Variants in GYPB observed in about 807,000 individuals in gnomAD.
The protein encoded by GYPB is glycophorin B (MNS blood group), also known as glycophorin-B.
In GYPB, 13 loss-of-function variants were observed where a neutral mutation model predicts 15.3. That is an observed-to-expected ratio of 0.85 (90% CI 0.55 to 1.35). GYPB has a LOEUF of 1.35. Among genes scored for constraint, GYPB ranks in the 40% most tolerant of loss-of-function variants. GYPB has a pLI of 0.00. For synonymous variants in GYPB, 38 were observed against 36.9 expected, an observed-to-expected ratio of 1.03 and a Z score of -0.11; for missense variants, 131 against 108.3, an observed-to-expected ratio of 1.21 and a Z score of -0.93.
At chr4:144,015,640 A>G (rs1411959139) in intron 1 of GYPB, among the ~76,000 whole-genome samples, 1 of 151,362 alleles carries the variant, frequency 6.6e-6, no homozygotes, top group East Asian at 1.9e-4. Flanking sequence ...AATCACTACG[A>G]AGTAAGTTTG....
chr4:143,996,663 T>C (rs928912846), intron 4 of GYPB, among the ~76,000 whole-genome samples: 2 of 150,362 alleles, frequency 1.3e-5, no homozygotes, highest in African/African-American at 5.0e-5. Context: ...CCAATTACTG[T>C]GGAGGCTGAA....
chr4:144,010,873 C>A (rs1214101080), intron 1 of GYPB, among the ~76,000 whole-genome samples: 1 of 151,096 alleles, frequency 6.6e-6, no homozygotes, highest in African/African-American at 2.5e-5. Flanking sequence ...GCTAATGGGA[C>A]AATTACAAGT....
chr4:143,999,203 CT>C (rs1727483833), intron 3 of GYPB: 4 of 454,108 alleles, frequency 8.8e-6, no homozygotes, highest in South Asian at 7.8e-5. Context: ...GCCACGGCCC[CT>C]GGCCCCCAAA....
At chr4:144,015,379 G>A (rs915560634) in intron 1 of GYPB, among the ~76,000 whole-genome samples, 1 of 151,280 alleles carries the variant, frequency 6.6e-6, no homozygotes, top group Non-Finnish European at 1.5e-5. Flanking sequence ...ATAATGGCTG[G>A]AAATCTATGA....
intron 2 of GYPB, among the ~76,000 whole-genome samples, chr4:144,000,854 C>G (rs1182589957): frequency 6.6e-6 from 1 of 151,224 alleles, no homozygotes; most frequent in African/African-American, 2.5e-5. Flanking sequence ...GAGCCCAGGT[C>G]TGAGCTGAAC....
chr4:144,014,527 C>T (rs1196473481), intron 1 of GYPB, among the ~76,000 whole-genome samples: 1 of 151,326 alleles, frequency 6.6e-6, no homozygotes, highest in Non-Finnish European at 1.5e-5. Flanking sequence ...AGAAGCCATA[C>T]ACAAAAGGCT....
intron 1 of GYPB, among the ~76,000 whole-genome samples, chr4:144,006,411 TG>T (rs1430273771): frequency 6.6e-6 from 1 of 151,904 alleles, no homozygotes; most frequent in Non-Finnish European, 1.5e-5. Context: ...GCCCAAGACA[TG>T]TTAGGATAAC....
chr4:144,016,050 A>T (rs986718526), intron 1 of GYPB, among the ~76,000 whole-genome samples: 8 of 146,928 alleles, frequency 5.4e-5, no homozygotes, highest in East Asian at 4.1e-4. Flanking sequence ...TCAAGAATTT[A>T]TAGTCATGTA....
intron 3 of GYPB, 88 bp from the exon 4 acceptor site, chr4:143,997,722 A>G (rs2149955027): frequency 2.7e-6 from 2 of 742,946 alleles, no homozygotes; most frequent in South Asian, 2.8e-5. Context: ...GCATAACATC[A>G]CCTTGCCTTT....
intron 1 of GYPB, chr4:144,002,647 T>A (rs1278099559): frequency 1.6e-6 from 2 of 1,285,288 alleles, no homozygotes; most frequent in Admixed American, 4.6e-5. Context: ...GAAGGGCTTC[T>A]TCTCAGAGGC....
chr4:144,000,848 C>A (rs1334300988), intron 2 of GYPB, among the ~76,000 whole-genome samples: 23 of 151,202 alleles, frequency 1.5e-4, no homozygotes, highest in Non-Finnish European at 3.1e-4. Flanking sequence ...AGAGCTGAGC[C>A]CAGGTCTGAG....
At chr4:143,995,649 G>A (rs1027882149), downstream of GYPB, among the ~76,000 whole-genome samples, 3 of 150,962 alleles carry the variant, frequency 2.0e-5, no homozygotes, top group Admixed American at 1.3e-4. Flanking sequence ...CCTTCTCTAC[G>A]TGCTCCTACC....
chr4:144,002,663 A>T (rs1727689024), intron 1 of GYPB: 2 of 1,285,622 alleles, frequency 1.6e-6, no homozygotes, highest in East Asian at 1.1e-4. Flanking sequence ...GAGGCAGCCA[A>T]CTTGGCCCCT....
At chr4:144,013,798 C>T (rs184789291) in intron 1 of GYPB, among the ~76,000 whole-genome samples, 1,761 of 150,628 alleles carry the variant, frequency 0.012, 86 homozygotes, top group African/African-American at 0.042. Context: ...GAAGGGATAG[C>T]ATCGGGAGAT....
chr4:144,011,305 G>A (rs573791562), intron 1 of GYPB, among the ~76,000 whole-genome samples: 4 of 151,392 alleles, frequency 2.6e-5, no homozygotes, highest in Non-Finnish European at 5.9e-5. Context: ...GCTTGAACCC[G>A]GGAGGCAGAG....
intron 1 of GYPB, 76 bp from the exon 2 acceptor site, chr4:144,001,359 A>C: frequency 1.2e-6 from 2 of 1,610,622 alleles, no homozygotes; most frequent in East Asian, 2.2e-5. Flanking sequence ...CACAAAAGAC[A>C]AATTCCTCTC....
intron 1 of GYPB, among the ~76,000 whole-genome samples, chr4:144,017,301 C>G (rs1444472056): frequency 1.3e-5 from 2 of 148,478 alleles, no homozygotes; most frequent in African/African-American, 5.1e-5. Flanking sequence ...TCTTAAGATT[C>G]CTGGAGAAAG....
chr4:144,015,178 T>G (rs770458382), intron 1 of GYPB, among the ~76,000 whole-genome samples: 16 of 151,646 alleles, frequency 1.1e-4, no homozygotes, highest in Non-Finnish European at 1.3e-4. Flanking sequence ...GTCCTGATTA[T>G]ATTATATGGT....
intron 1 of GYPB, chr4:144,016,683 G>C (rs188316583): frequency 2.1e-5 from 7 of 337,906 alleles, no homozygotes; most frequent in Non-Finnish European, 1.2e-5. Flanking sequence ...GAGACTCCTG[G>C]TTTATGCCAT....
Sources: allele counts gnomAD v4.1 joint callset (sites outside exome capture counted in the v4.1 genomes callset), GRCh38; gene constraint gnomAD v4.1.1; transcripts MANE v1.5; gene names NCBI Gene and HGNC (gene_info 2026-07-23, HGNC 2026-07-21).